The following LNX1 variants were observed in gnomAD, a reference collection of about 807,000 sequenced individuals.
The protein encoded by LNX1 is E3 ubiquitin-protein ligase LNX.
A neutral mutation model predicts 68.4 loss-of-function variants in LNX1; 54 were observed. The observed-to-expected ratio is 0.79, with a 90% CI of 0.63 to 0.99. The LOEUF (loss-of-function observed/expected upper bound fraction) is 0.99, where lower values mean the gene tolerates loss of function less well. LNX1 is among the 50% of genes least tolerant of loss of function. LNX1 has a pLI of 0.00. For synonymous variants in LNX1, 336 were observed against 350.0 expected (o/e 0.96, Z 0.45); for missense variants, 906 against 926.4 (o/e 0.98, Z 0.29).
At chr4:53,596,805 A>T (rs1732774552) in intron 2 of LNX1, among the ~76,000 whole-genome samples, 2 of 152,008 alleles carry the variant, frequency 1.3e-5, no homozygotes, top group South Asian at 4.1e-4. Flanking sequence ...TGACAATGAC[A>T]TTCCCCTCTA....
chr4:53,594,580 A>G (rs964316910), upstream of LNX1, among the ~76,000 whole-genome samples: 2 of 152,126 alleles, frequency 1.3e-5, no homozygotes, highest in African/African-American at 4.8e-5. Context: ...ATTGCTAAAG[A>G]CCATGACACT....
At chr4:53,548,360 T>C (rs1729254527) in intron 2 of LNX1, among the ~76,000 whole-genome samples, 1 of 152,234 alleles carries the variant, frequency 6.6e-6, no homozygotes, top group Non-Finnish European at 1.5e-5. Context: ...TTTTCTATTC[T>C]TTAACAATGT....
At chr4:53,546,194 T>TA (rs1560657687) in intron 2 of LNX1, among the ~76,000 whole-genome samples, 1 of 152,334 alleles carries the variant, frequency 6.6e-6, no homozygotes, top group Admixed American at 6.5e-5. Context: ...CCATCCTTTG[T>TA]ATATGAAACT....
At chr4:53,481,629 T>A in intron 7 of LNX1, 91 bp downstream of exon 7, 1 of 1,396,704 alleles carries the variant, frequency 7.2e-7, no homozygotes, top group Non-Finnish European at 9.6e-7. Flanking sequence ...AGTAAAAAAG[T>A]CCAGAGATGA....
In LNX1 at chr4:53,460,938, GT is replaced by G; in HGVS notation, c.2155del (p.Thr719LeufsTer29). 1 of 1,610,384 alleles carries G rather than the reference GT, an allele frequency of 6.2e-7. No homozygotes were observed. The highest frequency in any genetic ancestry group is 8.5e-7 in the Non-Finnish European group (1 of 1,178,486). ...LKELKGRITLTIVSWPGTFL is the reference protein window; with the variant it reads ...LKELKGRITLXIVSWPGTFL ...AAAAGTGCCAGGCCAAGAAACAATA[GT>G]TAGAGTAATTCTTCCTTTAAGTTCT... On this transcript the variant is annotated frameshift_variant, in exon 11 of 11. Coordinates refer to ENST00000263925, the MANE Select transcript of LNX1 (RefSeq NM_001126328.3). LOFTEE classifies it high-confidence loss of function.
At chr4:53,549,866 C>T (rs1283783648) in intron 2 of LNX1, among the ~76,000 whole-genome samples, 4 of 152,120 alleles carry the variant, frequency 2.6e-5, no homozygotes, top group Non-Finnish European at 5.9e-5. Flanking sequence ...TACGGACATC[C>T]CAGCTTTGCC....
At chr4:53,504,222 A>G (rs547679280) in intron 4 of LNX1, among the ~76,000 whole-genome samples, 1 of 152,358 alleles carries the variant, frequency 6.6e-6, no homozygotes, top group Admixed American at 6.5e-5. Flanking sequence ...AGCTTCTACA[A>G]TCAGCATTTG....
intron 6 of LNX1, 87 bp downstream of exon 6, chr4:53,495,936 G>C (rs1402109033): frequency 6.8e-7 from 1 of 1,478,208 alleles, no homozygotes; most frequent in Non-Finnish European, 9.2e-7. Flanking sequence ...ACATGTGGTA[G>C]TGACAGGGTG....
At chr4:53,632,453 C>T (rs1041569209) in intron 1 of LNX1, among the ~76,000 whole-genome samples, 1 of 152,238 alleles carries the variant, frequency 6.6e-6, no homozygotes, top group African/African-American at 2.4e-5. Flanking sequence ...ACCCCCTACA[C>T]TCTTGCTTCA....
At chr4:53,617,089 A>G (rs1733707717) in intron 1 of LNX1, among the ~76,000 whole-genome samples, 1 of 152,230 alleles carries the variant, frequency 6.6e-6, no homozygotes, top group South Asian at 2.1e-4. Context: ...CATATAAACT[A>G]TAATACAAAA....
At chr4:53,506,068 C>T (rs1725849576) in intron 4 of LNX1, among the ~76,000 whole-genome samples, 1 of 152,148 alleles carries the variant, frequency 6.6e-6, no homozygotes, top group Admixed American at 6.5e-5. Flanking sequence ...ATAATACATA[C>T]AGTGGTTTGG....
At chr4:53,519,147 A>T (rs1196092678) in intron 2 of LNX1, among the ~76,000 whole-genome samples, 1 of 152,216 alleles carries the variant, frequency 6.6e-6, no homozygotes, top group African/African-American at 2.4e-5. Context: ...TCCAAAAATA[A>T]TTAGCTCCAA....
At chr4:53,509,724 C>T (rs1726188030) in intron 2 of LNX1, among the ~76,000 whole-genome samples, 1 of 152,184 alleles carries the variant, frequency 6.6e-6, no homozygotes, top group African/African-American at 2.4e-5. Context: ...ATATTTTGTA[C>T]ATCCTAAGAT....
At chr4:53,616,116 T>G (rs1298947121) in intron 2 of LNX1, among the ~76,000 whole-genome samples, 1 of 152,208 alleles carries the variant, frequency 6.6e-6, no homozygotes, top group Admixed American at 6.5e-5. Context: ...ATTGTTTTGA[T>G]TTTTAGATCC....
At chr4:53,637,464 T>C (rs921958094) in intron 1 of LNX1, among the ~76,000 whole-genome samples, 2 of 152,146 alleles carry the variant, frequency 1.3e-5, no homozygotes, top group Non-Finnish European at 2.9e-5. Context: ...AATACAGTCA[T>C]GATAATAATT....
intron 2 of LNX1, among the ~76,000 whole-genome samples, chr4:53,556,168 A>T (rs2109721125): frequency 6.6e-6 from 1 of 152,276 alleles, no homozygotes; most frequent in South Asian, 2.1e-4. Flanking sequence ...TAAGAAGAGG[A>T]GAAGGCAAAG....
At chr4:53,577,529 A>T (rs945881665) in intron 1 of LNX1, among the ~76,000 whole-genome samples, 1 of 152,140 alleles carries the variant, frequency 6.6e-6, no homozygotes, top group African/African-American at 2.4e-5. Flanking sequence ...GGGAGTGGAG[A>T]TAGGAGGAAA....
At chr4:53,562,439 C>T (rs1730354487) in intron 2 of LNX1, among the ~76,000 whole-genome samples, 1 of 152,242 alleles carries the variant, frequency 6.6e-6, no homozygotes, top group Admixed American at 6.5e-5. Flanking sequence ...CAAACTCAGA[C>T]TTATTCCCAT....
Position 53,508,051 on chromosome 4 carries a change from G to A in LNX1, c.557C>T (p.Ser186Phe). The A allele has an allele frequency of 1.9e-6, 3 of 1,614,186 alleles. No individual in the cohort carries two copies. The highest frequency in any genetic ancestry group is 2.2e-5 in the South Asian group (2 of 91,080). Residue 186 changes from serine to phenylalanine, a missense_variant, in exon 3 of 11, where the codon TCC (serine) becomes TTC (phenylalanine). By Grantham distance (155) the Ser-to-Phe change is radical. Coordinates refer to ENST00000263925, the MANE Select transcript of LNX1 (RefSeq NM_001126328.3). ...TGCTGGCTGCCCGTCCTCTGCCGAG[G>A]ACACGTAGGCAGGGTTGTCTAGGCC... is the stretch of plus-strand genomic sequence containing the variant. The part of the protein sequence containing the change: ...EPGLDNPAYV[S>F]SAEDGQPAIS...
Sources: gnomAD v4.1 joint callset for allele counts (sites outside exome capture counted in the v4.1 genomes callset) on GRCh38, gnomAD v4.1.1 for gene constraint, MANE v1.5 for transcripts, NCBI Gene and HGNC (gene_info 2026-07-23, HGNC 2026-07-21) for gene names.